The following ITPR1 variants were observed in gnomAD, a reference collection of about 807,000 sequenced individuals.
ITPR1 encodes the protein inositol 1,4,5-trisphosphate receptor type 1.
A neutral mutation model predicts 318.4 loss-of-function variants in ITPR1; 96 were observed. The observed-to-expected ratio is 0.30, with a 90% CI of 0.26 to 0.36. ITPR1 has a LOEUF of 0.36. Among genes scored for constraint, ITPR1 ranks in the 10% least tolerant of loss-of-function variants. The probability of loss-of-function intolerance (pLI) is 1.00; values close to 1 mark genes in which losing one functional copy is unlikely to be tolerated. For missense variants in ITPR1, 2,440 were observed against 3,460.2 expected, an observed-to-expected ratio of 0.71 and a Z score of 7.40; for synonymous variants, 1,312 against 1,289.9, an observed-to-expected ratio of 1.02 and a Z score of -0.37.
At chr3:4,515,379 AG>A (rs2082106833) in intron 2 of ITPR1, among the ~76,000 whole-genome samples, 1 of 152,104 alleles carries the variant, frequency 6.6e-6, no homozygotes, top group Non-Finnish European at 1.5e-5. Context: ...GGCTTCTGGA[AG>A]GGGAAGTCGA....
At chr3:4,695,900 G>T (rs1210942380) in intron 33 of ITPR1, among the ~76,000 whole-genome samples, 1 of 152,190 alleles carries the variant, frequency 6.6e-6, no homozygotes, top group African/African-American at 2.4e-5. Flanking sequence ...TCCGTCCAGG[G>T]TGTGTGGATA....
intron 4 of ITPR1, among the ~76,000 whole-genome samples, chr3:4,567,637 A>C (rs2087474984): frequency 6.6e-6 from 1 of 151,450 alleles, no homozygotes; most frequent in African/African-American, 2.4e-5. Context: ...ACGGGGTCTT[A>C]CTCTGCCACC....
chr3:4,839,206 G>C (rs1474960589), intron 61 of ITPR1, among the ~76,000 whole-genome samples: 2 of 152,002 alleles, frequency 1.3e-5, no homozygotes, highest in Non-Finnish European at 2.9e-5. Flanking sequence ...ACATGCCTGT[G>C]ATCACAGCTA....
chr3:4,524,702 C>T (rs1161807530), intron 4 of ITPR1, among the ~76,000 whole-genome samples: 1 of 152,176 alleles, frequency 6.6e-6, no homozygotes, highest in Non-Finnish European at 1.5e-5. Context: ...ATGCAATATT[C>T]CCCATGGCTT....
chr3:4,773,127 G>T (rs1323203126), intron 46 of ITPR1, among the ~76,000 whole-genome samples: 1 of 152,244 alleles, frequency 6.6e-6, no homozygotes, highest in African/African-American at 2.4e-5. Flanking sequence ...AGTGAGGAAG[G>T]CTGGAAGAGG....
intron 57 of ITPR1, 46 bp downstream of exon 57, chr3:4,813,280 C>CT: frequency 1.5e-6 from 2 of 1,353,398 alleles, no homozygotes; most frequent in Non-Finnish European, 2.1e-6. Context: ...CGGACTCCTC[C>CT]AGAGGCTTAG....
intron 36 of ITPR1, among the ~76,000 whole-genome samples, chr3:4,703,782 G>C (rs529033587): frequency 6.6e-6 from 1 of 152,196 alleles, no homozygotes; most frequent in Admixed American, 6.5e-5. Flanking sequence ...GTAGTCTCTC[G>C]CCCAGTTCCT....
intron 46 of ITPR1, among the ~76,000 whole-genome samples, chr3:4,769,334 G>A (rs138920568): frequency 1.7e-4 from 26 of 152,318 alleles, no homozygotes; most frequent in African/African-American, 6.3e-4. Context: ...TTTGTTAAGT[G>A]TCTGTATGTG....
intron 4 of ITPR1, among the ~76,000 whole-genome samples, chr3:4,619,820 C>CTCTCCTCTG: frequency 1.0e-5 from 1 of 98,016 alleles, no homozygotes. Context: ...GCCCTCCCCT[C>CTCTCCTCTG]CCCTCCTCTC....
intron 4 of ITPR1, among the ~76,000 whole-genome samples, chr3:4,573,208 G>A (rs1012840194): frequency 6.6e-6 from 1 of 152,180 alleles, no homozygotes; most frequent in Admixed American, 6.5e-5. Flanking sequence ...CTCGCCAACA[G>A]TGTACAAGGG....
At chr3:4,662,354 G>A (rs1416031921) in intron 15 of ITPR1, 112 bp downstream of exon 15, 3 of 927,766 alleles carry the variant, frequency 3.2e-6, no homozygotes, top group African/African-American at 1.7e-5. Context: ...TGGGGTAGCA[G>A]GCCTTAGCAT....
chr3:4,656,875 A>G (rs1297043881), intron 12 of ITPR1, among the ~76,000 whole-genome samples: 1 of 152,196 alleles, frequency 6.6e-6, no homozygotes, highest in Non-Finnish European at 1.5e-5. Context: ...AGACATGGAA[A>G]ATCACGCGAT....
chr3:4,810,697 C>G (rs536252151), intron 55 of ITPR1, among the ~76,000 whole-genome samples: 1 of 152,318 alleles, frequency 6.6e-6, no homozygotes, highest in South Asian at 2.1e-4. Flanking sequence ...TCTACATCCT[C>G]CAGTCTGCAA....
At position 4,831,125 on chromosome 3, in the gene ITPR1, T is replaced by TCACACA. The variant is rs752873214; in HGVS notation, c.8029-5648_8029-5647insACACAC. The TCACACA allele has an allele frequency of 2.1e-3, 487 of 234,294 alleles. 1 individual carries two copies. The highest frequency in any genetic ancestry group is 7.5e-3 in the Admixed American group (160 of 21,358). 14.5% of individuals were successfully genotyped at this position (234,294 alleles called of 1,614,324 possible). On this transcript the variant is annotated intron_variant, in intron 60 of 61. Coordinates refer to ENST00000649015, the MANE Select transcript of ITPR1 (RefSeq NM_001378452.1). ...GTCTTTGTCTCTCTCTCTCTCTCTC[T>TCACACA]CTCTCTCACACACACACACACACAC... is the stretch of plus-strand genomic sequence containing the variant.
intron 44 of ITPR1, among the ~76,000 whole-genome samples, chr3:4,765,395 G>T (rs1359731365): frequency 6.6e-6 from 1 of 152,232 alleles, no homozygotes; most frequent in Non-Finnish European, 1.5e-5. Context: ...GTGAGTCAAT[G>T]GCTGGAGGAG....
At chr3:4,669,828 G>T in intron 19 of ITPR1, 55 bp downstream of exon 19, 1 of 1,503,178 alleles carries the variant, frequency 6.7e-7, no homozygotes, top group Non-Finnish European at 8.9e-7. Context: ...CAGTGTTGGT[G>T]CTCATGAGGA....
At chr3:4,589,394 T>C (rs915150776) in intron 4 of ITPR1, among the ~76,000 whole-genome samples, 1 of 152,184 alleles carries the variant, frequency 6.6e-6, no homozygotes, top group South Asian at 2.1e-4. Context: ...ATCCTTGCTA[T>C]TTAAGGTGAT....
chr3:4,596,715 C>T lies in ITPR1; in HGVS notation c.164-31048C>T, dbSNP rs77821671. 9.5e-3 allele frequency among the ~76,000 whole-genome samples: 1,446 copies of T among 152,242 alleles called. 31 individuals carry two copies. The highest frequency in any genetic ancestry group is 0.033 in the African/African-American group (1,371 of 41,532). ...TTAGCCTCTTGTGATCAGAGCTGCTCGTTAGCTGCTGGTCTTCCCACAGTC... is the reference window on the plus strand; with the variant it reads ...TTAGCCTCTTGTGATCAGAGCTGCTTGTTAGCTGCTGGTCTTCCCACAGTC... On this transcript the variant is annotated intron_variant, in intron 4 of 61. Transcript: ENST00000649015.
intron 4 of ITPR1, among the ~76,000 whole-genome samples, chr3:4,525,857 C>G (rs1263068021): frequency 6.6e-6 from 1 of 152,178 alleles, no homozygotes; most frequent in Non-Finnish European, 1.5e-5. Context: ...CCTCCCCCAG[C>G]TCCCCCGGTG....
Sources: gnomAD v4.1 joint callset for allele counts (sites outside exome capture counted in the v4.1 genomes callset) on GRCh38, gnomAD v4.1.1 for gene constraint, MANE v1.5 for transcripts, NCBI Gene and HGNC (gene_info 2026-07-23, HGNC 2026-07-21) for gene names.